The following PDE1C variants were observed in gnomAD, a reference collection of about 807,000 sequenced individuals.
The protein encoded by PDE1C is phosphodiesterase 1C.
Under a neutral mutation model 93.1 loss-of-function variants are expected in PDE1C, and 62 were observed. The observed-to-expected ratio is 0.67, with a 90% CI of 0.54 to 0.82. The LOEUF (loss-of-function observed/expected upper bound fraction) is 0.82, where lower values mean the gene tolerates loss of function less well. PDE1C is among the 40% of genes least tolerant of loss of function. PDE1C has a pLI of 0.00. For synonymous variants in PDE1C, 325 were observed against 310.1 expected, an observed-to-expected ratio of 1.05 and a Z score of -0.50; for missense variants, 742 against 884.6, an observed-to-expected ratio of 0.84 and a Z score of 2.04.
At chr7:31,684,975 T>C in the PDE1C span, among the ~76,000 whole-genome samples, 2 of 152,228 alleles carry the variant, frequency 1.3e-5, no homozygotes, top group Admixed American at 6.5e-5. Context: ...TTATTTGTAA[T>C]AGCCAAACAT....
At chr7:31,989,058 A>G in intron 2 of PDE1C, among the ~76,000 whole-genome samples, 1 of 151,176 alleles carries the variant, frequency 6.6e-6, no homozygotes, top group South Asian at 2.1e-4. Flanking sequence ...AAGAGAAAAA[A>G]TAGAGAAGAA....
At chr7:31,857,237 A>AAATAAG (rs1794136421) in intron 7 of PDE1C, among the ~76,000 whole-genome samples, 1 of 152,278 alleles carries the variant, frequency 6.6e-6, no homozygotes, top group African/African-American at 2.4e-5. Flanking sequence ...ATCTTCCTTA[A>AAATAAG]AATAAGAATA....
chr7:32,087,004 G>C (rs1380812351), intron 3 of PDE1C, among the ~76,000 whole-genome samples: 1 of 151,932 alleles, frequency 6.6e-6, no homozygotes, highest in Non-Finnish European at 1.5e-5. Flanking sequence ...CTTGACAAAT[G>C]GGATCTAATT....
At chr7:31,830,610 G>T (rs1261550160) in intron 11 of PDE1C, among the ~76,000 whole-genome samples, 1 of 152,160 alleles carries the variant, frequency 6.6e-6, no homozygotes, top group Non-Finnish European at 1.5e-5. Context: ...ACAGCAGTTA[G>T]GCAGGTAGCT....
intron 1 of PDE1C, among the ~76,000 whole-genome samples, chr7:32,068,339 A>T (rs1392667303): frequency 6.6e-6 from 1 of 152,190 alleles, no homozygotes; most frequent in Non-Finnish European, 1.5e-5. Context: ...TGTATAAAAG[A>T]GTGTGTGCTT....
At chr7:32,153,646 A>C (rs933866282) in intron 3 of PDE1C, among the ~76,000 whole-genome samples, 1 of 152,224 alleles carries the variant, frequency 6.6e-6, no homozygotes, top group African/African-American at 2.4e-5. Context: ...TGAGTTAAGA[A>C]TCAGTGAAAT....
the PDE1C span, among the ~76,000 whole-genome samples, chr7:31,701,649 A>G: frequency 6.6e-6 from 1 of 152,222 alleles, no homozygotes; most frequent in East Asian, 1.9e-4. Flanking sequence ...TGTTAAAGGA[A>G]GAGTCCATCA....
intron 1 of PDE1C, among the ~76,000 whole-genome samples, chr7:32,317,997 GA>G (rs999061780): frequency 6.6e-6 from 1 of 152,192 alleles, no homozygotes; most frequent in African/African-American, 2.4e-5. Context: ...CAGGGTCAGA[GA>G]GGGGAAAAGG....
At chr7:32,153,666 A>G (rs1562528879) in intron 3 of PDE1C, among the ~76,000 whole-genome samples, 1 of 152,234 alleles carries the variant, frequency 6.6e-6, no homozygotes, top group Non-Finnish European at 1.5e-5. Context: ...TAGAATGTCA[A>G]TCAGAAATCT....
At chr7:32,138,627 C>G (rs1800339151) in intron 3 of PDE1C, among the ~76,000 whole-genome samples, 1 of 151,998 alleles carries the variant, frequency 6.6e-6, no homozygotes, top group South Asian at 2.1e-4. Flanking sequence ...CCTGAATACC[C>G]AAGAGTTGAG....
chr7:32,235,392 C>T (rs1253154035), intron 1 of PDE1C, among the ~76,000 whole-genome samples: 1 of 149,698 alleles, frequency 6.7e-6, no homozygotes, highest in Non-Finnish European at 1.5e-5. Flanking sequence ...ACATGATTGT[C>T]TATGTAGAAA....
intron 16 of PDE1C, among the ~76,000 whole-genome samples, chr7:31,806,794 G>T (rs1028887715): frequency 6.6e-6 from 1 of 151,820 alleles, no homozygotes; most frequent in Admixed American, 6.6e-5. Flanking sequence ...CCCAGGGATT[G>T]GTCTAGGGGT....
intron 3 of PDE1C, among the ~76,000 whole-genome samples, chr7:32,109,533 C>T (rs1330042388): frequency 1.3e-5 from 2 of 152,136 alleles, no homozygotes; most frequent in Non-Finnish European, 2.9e-5. Flanking sequence ...TTAGCCACAT[C>T]CTGGCCTCTA....
At chr7:32,116,778 G>A (rs947287660) in intron 3 of PDE1C, among the ~76,000 whole-genome samples, 2 of 152,058 alleles carry the variant, frequency 1.3e-5, no homozygotes, top group Non-Finnish European at 2.9e-5. Context: ...GATAATTTTT[G>A]TCCCCTTTTG....
chr7:31,838,037 T>A (rs1791347853), intron 9 of PDE1C, 66 bp from the exon 10 acceptor site: 5 of 1,069,020 alleles, frequency 4.7e-6, no homozygotes, highest in Middle Eastern at 2.2e-4. Context: ...ATCAGTGTTT[T>A]TTTTTTGCCA....
intron 1 of PDE1C, among the ~76,000 whole-genome samples, chr7:32,350,274 T>G (rs1783937351): frequency 6.6e-6 from 1 of 152,160 alleles, no homozygotes; most frequent in African/African-American, 2.4e-5. Flanking sequence ...CCCTCCCTCC[T>G]GTATCATTTT....
chr7:31,672,836 C>T, the PDE1C span, among the ~76,000 whole-genome samples: 6 of 152,166 alleles, frequency 3.9e-5, no homozygotes, highest in Admixed American at 6.5e-5. Context: ...ATTATAATTC[C>T]CATGTGTCGA....
At chr7:31,656,241 A>G in the PDE1C span, 1 of 177,960 alleles carries the variant, frequency 5.6e-6, no homozygotes, top group Non-Finnish European at 1.1e-5. Context: ...AGTACCTACT[A>G]CCCTGTGTTT....
chr7:32,267,838 G>A (rs1349272939), intron 1 of PDE1C, among the ~76,000 whole-genome samples: 1 of 152,214 alleles, frequency 6.6e-6, no homozygotes, highest in African/African-American at 2.4e-5. Flanking sequence ...TCCATCCATG[G>A]AGCATACAGG....
Sources: gnomAD v4.1 joint callset for allele counts (sites outside exome capture counted in the v4.1 genomes callset) on GRCh38, gnomAD v4.1.1 for gene constraint, MANE v1.5 for transcripts, NCBI Gene and HGNC (gene_info 2026-07-23, HGNC 2026-07-21) for gene names.